The following PSME3 variants were observed in gnomAD, a reference collection of about 807,000 sequenced individuals.
PSME3 encodes proteasome activator subunit 3.
PSME3 carries 7 observed loss-of-function variants against 38.3 expected under a neutral mutation model. The ratio of observed to expected loss-of-function variants is 0.18; its 90% CI spans 0.10 to 0.34. The LOEUF (loss-of-function observed/expected upper bound fraction) is 0.34, where lower values mean the gene tolerates loss of function less well. PSME3 is among the 10% of genes least tolerant of loss of function. PSME3 has a pLI of 1.00. For synonymous variants in PSME3, 108 were observed against 105.7 expected (o/e 1.02, Z -0.13); for missense variants, 192 against 307.6 (o/e 0.62, Z 2.81).
chr17:42,838,574 T>C, intron 6 of PSME3, 157 bp from the exon 7 acceptor site: 3 of 758,692 alleles, frequency 4.0e-6, no homozygotes, highest in Non-Finnish European at 6.5e-6. Context: ...CGCTTCGGGG[T>C]CCCAAATTGC....
Position 42,843,310 on chromosome 17 carries a change from G to A in PSME3, c.*1732G>A, listed in dbSNP as rs1024979245. 5 of 152,756 alleles carry A rather than the reference G, an allele frequency of 3.3e-5. No individual in the cohort carries two copies. The highest frequency in any genetic ancestry group is 1.3e-4 in the Admixed American group (2 of 15,266). The allele number at this position is 152,756 out of a possible 1,614,324, so 9.5% of individuals were successfully genotyped here. ...TCATGCTCATATGTGTGCACGCTTGGACACCCACCTCCATGGACACCTAGC... is the reference window on the plus strand; with the variant it reads ...TCATGCTCATATGTGTGCACGCTTGAACACCCACCTCCATGGACACCTAGC... On this transcript the variant is annotated 3_prime_UTR_variant, in exon 11 of 11. Transcript: ENST00000590720.
At position 42,839,127 on chromosome 17, in the gene PSME3, A is replaced by T. The variant is rs1207343475; in HGVS notation, c.558A>T (p.Arg186Ser). Reference protein sequence around the residue: ...LDQISRYYITRAKLVSKIAKY... With the variant: ...LDQISRYYITSAKLVSKIAKY... ...CTCTTTCCAGATATTATATTACAAG[A>T]GCCAAATTGGTTTCTAAAATAGCTA... Residue 186 changes from arginine (R) to serine (S), a missense_variant, in exon 9 of 11, where the codon AGA (arginine) becomes AGT (serine). Arg to Ser is a moderately radical substitution (Grantham distance 110). Around this residue, in one of 2 missense-constraint regions of PSME3, gnomAD observed 82 missense variants for 168.2 expected, o/e 0.49. Coordinates refer to ENST00000590720, the MANE Select transcript of PSME3 (RefSeq NM_005789.4). The T allele has an allele frequency of 6.3e-7, 1 of 1,592,348 alleles. No homozygotes were observed. The highest frequency in any genetic ancestry group is 8.6e-7 in the Non-Finnish European group (1 of 1,160,252).
In PSME3 at chr17:42,843,373, CTT is replaced by C. The variant is rs2055557941; in HGVS notation, c.*1798_*1799del. 1 of 152,666 alleles carries C rather than the reference CTT, an allele frequency of 6.6e-6. No individual in the cohort carries two copies. Among genetic ancestry groups the C allele is most frequent in the African/African-American group, 2.4e-5 (1 of 41,438 alleles). 9.5% of individuals were successfully genotyped at this position (152,666 alleles called of 1,614,324 possible). Reference sequence around the variant, plus strand: ...TGTCCTTATGCCAGTTGAGCTGAATCTTTTCCCCAGTATAGTGGAAAGACTGA... The same window carrying C: ...TGTCCTTATGCCAGTTGAGCTGAATCTTCCCCAGTATAGTGGAAAGACTGA... On this transcript the variant is annotated 3_prime_UTR_variant, in exon 11 of 11. Transcript: ENST00000590720.
Position 42,841,593 on chromosome 17 carries a change from C to A in PSME3, c.*15C>A, listed in dbSNP as rs767182850. Reference sequence around the variant, plus strand: ...CTCTGTACTGAGGCCAGGGCCAGGGCCAGGGGACTCTGTGAGTCTGGCTCA... The same window carrying A: ...CTCTGTACTGAGGCCAGGGCCAGGGACAGGGGACTCTGTGAGTCTGGCTCA... On this transcript the variant is annotated 3_prime_UTR_variant, in exon 11 of 11. Transcript: ENST00000590720. The A allele has an allele frequency of 1.9e-6, 3 of 1,563,782 alleles. No homozygotes were observed. The highest frequency in any genetic ancestry group is 1.4e-5 in the African/African-American group (1 of 73,086).
At chr17:42,836,942 A>C (rs1597953543) in intron 4 of PSME3, among the ~76,000 whole-genome samples, 1 of 148,932 alleles carries the variant, frequency 6.7e-6, no homozygotes, top group East Asian at 2.0e-4. Context: ...GTGCAGTGGC[A>C]CAATCTCGGC....
At chr17:42,835,226 G>A (rs1042827529) in intron 4 of PSME3, among the ~76,000 whole-genome samples, 1 of 151,902 alleles carries the variant, frequency 6.6e-6, no homozygotes, top group Non-Finnish European at 1.5e-5. Flanking sequence ...TTGTAGAGAT[G>A]GGGTTTCACC....
In PSME3 at chr17:42,843,122, C is replaced by T. The variant is rs952141694; in HGVS notation, c.*1544C>T. Reference sequence around the variant, plus strand: ...CCATGTGTTTCTCAGTTTCCCGTTTCGTTTGTTGGACTGTTCCACTGCCCC... The same window carrying T: ...CCATGTGTTTCTCAGTTTCCCGTTTTGTTTGTTGGACTGTTCCACTGCCCC... On this transcript the variant is annotated 3_prime_UTR_variant, in exon 11 of 11. Transcript: ENST00000590720. 6.5e-6 allele frequency: 1 copy of T among 152,736 alleles called. No individual in the cohort carries two copies. The allele number at this position is 152,736 out of a possible 1,614,324, so 9.5% of individuals were successfully genotyped here.
chr17:42,835,251 G>A (rs573174025), intron 4 of PSME3, among the ~76,000 whole-genome samples: 74 of 152,092 alleles, frequency 4.9e-4, no homozygotes, highest in African/African-American at 1.5e-3. Flanking sequence ...TGCCCAGGCC[G>A]GTCTCAAACT....
intron 10 of PSME3, among the ~76,000 whole-genome samples, chr17:42,840,154 A>T (rs1485066648): frequency 6.6e-6 from 1 of 150,614 alleles, no homozygotes; most frequent in Non-Finnish European, 1.5e-5. Flanking sequence ...GTGGCGGCAC[A>T]TGCCTTTAAT....
chr17:42,834,077 C>T, intron 1 of PSME3: 1 of 1,444,796 alleles, frequency 6.9e-7, no homozygotes, highest in Non-Finnish European at 9.0e-7. Flanking sequence ...TGTCTTTTGT[C>T]TGCTTATCAA....
At chr17:42,838,668 G>C in intron 6 of PSME3, 63 bp from the exon 7 acceptor site, 2 of 1,478,334 alleles carry the variant, frequency 1.4e-6, no homozygotes, top group Non-Finnish European at 1.9e-6. Flanking sequence ...CCAGCCGTCT[G>C]AATTGTGTAC....
chr17:42,841,247 CATT>C (rs776385024), intron 10 of PSME3, among the ~76,000 whole-genome samples: 6 of 150,052 alleles, frequency 4.0e-5, no homozygotes, highest in South Asian at 2.1e-4. Context: ...TTTTCATTAA[CATT>C]GTAACAAAAT....
Position 42,833,463 on chromosome 17 carries a change from CGGCG to C in PSME3, c.-159_-156del. ...AGAGAGCAAGCAGGCAGCAGGCTGC[CGGCG>C]GGCGGGCGGACGGCACAGAGGGAGG... On this transcript the variant is annotated 5_prime_UTR_variant, in exon 1 of 11. Transcript: ENST00000590720. The C allele has an allele frequency of 4.0e-6, 3 of 745,828 alleles. No individual in the cohort carries two copies. Among genetic ancestry groups the C allele is most frequent in the Non-Finnish European group, 6.5e-6 (3 of 459,460 alleles). 46.2% of individuals were successfully genotyped at this position (745,828 alleles called of 1,614,324 possible).
At chr17:42,834,403 TGTTG>T in intron 2 of PSME3, 27 bp downstream of exon 2, 2 of 1,613,220 alleles carry the variant, frequency 1.2e-6, no homozygotes, top group Non-Finnish European at 8.5e-7. Context: ...GAAAAATGGT[TGTTG>T]GTTGAGAATT....
In PSME3 at chr17:42,834,943, GT is replaced by G. The variant is rs2144241985; in HGVS notation, c.243+70del. 6 of 1,595,738 alleles carry G rather than the reference GT, an allele frequency of 3.8e-6. No homozygotes were observed. In the South Asian group the frequency reaches 6.8e-5, roughly 18 times the overall value. On this transcript the variant is annotated intron_variant, in intron 4 of 10. Transcript: ENST00000590720. ...TCCTCTGTCCTCTGTTTCCTTGTCA[GT>G]TTAAGATGTACAGAGGGAACAGTGG... is the stretch of plus-strand genomic sequence containing the variant.
chr17:42,839,265 A>G (rs745760307), intron 9 of PSME3, 29 bp from the exon 10 acceptor site: 1 of 1,594,844 alleles, frequency 6.3e-7, no homozygotes, highest in South Asian at 1.1e-5. Flanking sequence ...GGCTTTGGGG[A>G]CTAGCTTTTT....
In PSME3 at chr17:42,837,685, G is replaced by C; in HGVS notation, c.280G>C (p.Glu94Gln). ...GAAGCGAAGGTTGGATGAGTGTGAA[G>C]AAGCCTTCCAAGGTAAGAGGCACCC... ...YKKRRLDECEEAFQGTKVFVM... is the reference protein window; with the variant it reads ...YKKRRLDECEQAFQGTKVFVM... Residue 94 changes from glutamate (E) to glutamine (Q), a missense_variant, in exon 5 of 11, where the codon GAA (glutamate) becomes CAA (glutamine). Glu to Gln is a conservative substitution (Grantham distance 29). Around this residue, in one of 2 missense-constraint regions of PSME3, gnomAD observed 110 missense variants for 139.3 expected, o/e 0.79. Transcript: ENST00000590720. 6.2e-7 allele frequency: 1 copy of C among 1,613,816 alleles called. No homozygotes were observed.
At chr17:42,836,864 A>G (rs2055470040) in intron 4 of PSME3, among the ~76,000 whole-genome samples, 1 of 149,706 alleles carries the variant, frequency 6.7e-6, no homozygotes, top group African/African-American at 2.5e-5. Flanking sequence ...GCCCAGCCCA[A>G]GAACCTTTTC....
In PSME3 at chr17:42,834,540, T is replaced by A; in HGVS notation, c.101T>A (p.Phe34Tyr). 1 of 1,613,968 alleles carries A rather than the reference T, an allele frequency of 6.2e-7. No individual in the cohort carries two copies. Among genetic ancestry groups the A allele is most frequent in the African/African-American group, 1.3e-5 (1 of 75,010 alleles). ...GCAGAAGACTTGGTGGCAAATTTTT[T>A]CCCAAAGAAGTTATTAGAACTTGAT... ...SEAEDLVANF[F>Y]PKKLLELDSF... The change falls in exon 3 of 11, where the codon TTC (phenylalanine) becomes TAC (tyrosine). Residue 34 changes from phenylalanine (F) to tyrosine (Y), a missense_variant. Physicochemically the swap from Phe to Tyr is conservative, Grantham distance 22. Transcript: ENST00000590720.
Sources: allele counts gnomAD v4.1 joint callset (sites outside exome capture counted in the v4.1 genomes callset), GRCh38; gene constraint gnomAD v4.1.1; regional missense constraint gnomAD v4.1.1; transcripts MANE v1.5; gene names NCBI Gene and HGNC (gene_info 2026-07-23, HGNC 2026-07-21).